Variants in DNM2 observed in about 807,000 individuals in gnomAD.
The protein encoded by DNM2 is dynamin-2.
Under a neutral mutation model 99.0 loss-of-function variants are expected in DNM2, and 15 were observed. The observed-to-expected ratio is 0.15, with a 90% confidence interval of 0.10 to 0.23. The LOEUF (loss-of-function observed/expected upper bound fraction) is 0.23. Among genes scored for constraint, DNM2 ranks in the 10% least tolerant of loss-of-function variants. The pLI is 1.00. For synonymous variants in DNM2, 525 were observed against 481.2 expected, an observed-to-expected ratio of 1.09 and a Z score of -1.19; for missense variants, 742 against 1,189.4, an observed-to-expected ratio of 0.62 and a Z score of 5.53.
At chr19:10,766,572 C>A (rs1179709110) in intron 2 of DNM2, among the ~76,000 whole-genome samples, 3 of 151,906 alleles carry the variant, frequency 2.0e-5, no homozygotes, top group Admixed American at 6.6e-5. Context: ...AGCACAGATT[C>A]TTTTTTCATG....
rs146506201 is a variant in DNM2, at chr19:10,802,302, C to T, written c.1437C>T (p.Ile479=). Residue 479 remains isoleucine (I), a synonymous_variant, in exon 12 of 21, where the codon ATC becomes ATT. Transcript: ENST00000389253. The part of the protein sequence containing the change: ...GRTKDQILLL[I]DIEQSYINTN... ...CTCTCCCCCAGATTCTTCTGCTGAT[C>T]GACATTGAGCAGTCCTACATCAACA... The T allele has an allele frequency of 2.6e-5, 42 of 1,613,968 alleles. No homozygotes were observed. Among genetic ancestry groups the T allele is most frequent in the Non-Finnish European group, 3.2e-5 (38 of 1,180,036 alleles).
intron 12 of DNM2, among the ~76,000 whole-genome samples, chr19:10,805,711 G>C (rs758382979): frequency 6.6e-6 from 1 of 152,156 alleles, no homozygotes; most frequent in Non-Finnish European, 1.5e-5. Flanking sequence ...GGGCCTAGAA[G>C]CCTCAATTGA....
chr19:10,748,325 G>A (rs2070066843), intron 1 of DNM2, among the ~76,000 whole-genome samples: 1 of 152,150 alleles, frequency 6.6e-6, no homozygotes, highest in Admixed American at 6.6e-5. Context: ...CAGGCCTGAT[G>A]TGGAGGTGAA....
In DNM2 at chr19:10,797,434, T is replaced by A. The variant is rs1177156641; in HGVS notation, c.1251T>A (p.Ile417=). 3.1e-6 allele frequency: 5 copies of A among 1,613,884 alleles called. No homozygotes were observed. Among genetic ancestry groups the A allele is most frequent in the Non-Finnish European group, 4.2e-6 (5 of 1,180,004 alleles). Residue 417 remains isoleucine (I), a synonymous_variant, in exon 10 of 21, where the codon ATT becomes ATA. Coordinates refer to ENST00000389253, the MANE Select transcript of DNM2 (RefSeq NM_001005361.3). Reference sequence around the variant, plus strand: ...TTGAAGCCATTGTGAAAAAACAGATTGTAAAACTCAAAGAGCCGAGTTTGA... The same window carrying A: ...TTGAAGCCATTGTGAAAAAACAGATAGTAAAACTCAAAGAGCCGAGTTTGA... ...MAFEAIVKKQ[I]VKLKEPSLKC...
chr19:10,774,465 T>C (rs1403533804), intron 3 of DNM2, among the ~76,000 whole-genome samples: 1 of 152,242 alleles, frequency 6.6e-6, no homozygotes, highest in Non-Finnish European at 1.5e-5. Context: ...TCACTCTTAT[T>C]GCCCAGGCTG....
chr19:10,814,400 G>A (rs752007924), intron 15 of DNM2, among the ~76,000 whole-genome samples: 5 of 151,524 alleles, frequency 3.3e-5, no homozygotes, highest in Non-Finnish European at 7.4e-5. Flanking sequence ...GGAAGCAGAG[G>A]TTGCGGTGAG....
At chr19:10,756,300 C>A (rs755036354) in intron 1 of DNM2, among the ~76,000 whole-genome samples, 4 of 152,094 alleles carry the variant, frequency 2.6e-5, no homozygotes, top group Non-Finnish European at 5.9e-5. Context: ...AGCCCCCAAC[C>A]CCTCTCACCC....
intron 1 of DNM2, among the ~76,000 whole-genome samples, chr19:10,727,639 G>A (rs922238313): frequency 6.6e-6 from 1 of 152,060 alleles, no homozygotes; most frequent in African/African-American, 2.4e-5. Flanking sequence ...CAAAGTGCTG[G>A]GATTACAGGC....
rs1204862635 is a variant in DNM2 at position 10,772,807 on chromosome 19, C to T, written c.385+179C>T. The stretch of plus-strand genomic sequence containing the variant: ...CCCACTTGTGCTAGGTATGTAGTAC[C>T]CAGACCTCTGTCTCAGCTTGAAGAA... On this transcript the variant is annotated intron_variant, in intron 3 of 20. Coordinates refer to ENST00000389253, the MANE Select transcript of DNM2 (RefSeq NM_001005361.3). This position sits in a 1 kb window ranked among gnomAD's most constrained non-coding sequence, Gnocchi z 4.9. Among the ~76,000 whole-genome samples, 1 of 152,106 alleles carries T rather than the reference C, an allele frequency of 6.6e-6. No homozygotes were observed.
At chr19:10,742,790 C>G (rs557439471) in intron 1 of DNM2, among the ~76,000 whole-genome samples, 1 of 152,264 alleles carries the variant, frequency 6.6e-6, no homozygotes, top group East Asian at 1.9e-4. Flanking sequence ...ATGACTTAAT[C>G]TCTCTATCCT....
chr19:10,766,796 C>G (rs899615301), intron 2 of DNM2, among the ~76,000 whole-genome samples: 1 of 152,074 alleles, frequency 6.6e-6, no homozygotes, highest in Non-Finnish European at 1.5e-5. Flanking sequence ...GCCTTGGCAG[C>G]GTGATTGCTG....
Position 10,786,797 on chromosome 19 carries a change from C to T in DNM2, c.992+91C>T, listed in dbSNP as rs533734414. ...CCTAGGCTGGGCACCACTCATCACT[C>T]GTCCACTCATTGATTCAGCAGACAC... On this transcript the variant is annotated intron_variant, in intron 7 of 20. Coordinates refer to ENST00000389253, the MANE Select transcript of DNM2 (RefSeq NM_001005361.3). 1.7e-4 allele frequency: 277 copies of T among 1,582,896 alleles called. No homozygotes were observed. The South Asian group carries it at 2.8e-3, about 16-fold the overall frequency.
chr19:10,792,066 C>T (rs1323687191), intron 7 of DNM2, among the ~76,000 whole-genome samples: 3 of 152,056 alleles, frequency 2.0e-5, no homozygotes, highest in Non-Finnish European at 2.9e-5. Flanking sequence ...CCAGCTTGGG[C>T]GACAGAGTGA....
At chr19:10,780,508 G>A (rs2071332526) in intron 5 of DNM2, among the ~76,000 whole-genome samples, 1 of 152,096 alleles carries the variant, frequency 6.6e-6, no homozygotes, top group African/African-American at 2.4e-5. Flanking sequence ...CTGTTTCTAA[G>A]AACGAAGGCG....
chr19:10,761,388 C>A (rs1386045636), intron 2 of DNM2, among the ~76,000 whole-genome samples: 1 of 152,044 alleles, frequency 6.6e-6, no homozygotes, highest in Non-Finnish European at 1.5e-5. Context: ...CTTCCCTGAT[C>A]TCAGTGTATT....
chr19:10,778,017 C>A (rs991393940), intron 5 of DNM2, among the ~76,000 whole-genome samples: 6 of 108,804 alleles, frequency 5.5e-5, no homozygotes, highest in Non-Finnish European at 1.1e-4. Context: ...TTTATTTTTT[C>A]ATTTTATTTA....
Position 10,820,202 on chromosome 19 carries a change from G to C in DNM2, c.1781+113G>C. 9.7e-7 allele frequency: 1 copy of C among 1,026,110 alleles called. No homozygotes were observed. Among genetic ancestry groups the C allele is most frequent in the Non-Finnish European group, 1.5e-6 (1 of 663,646 alleles). 63.6% of individuals were successfully genotyped at this position (1,026,110 alleles called of 1,614,324 possible). A position where few individuals can be genotyped will look rare whatever the true frequency, so the allele number is the denominator to read the frequency against. On this transcript the variant is annotated intron_variant, in intron 16 of 20. Coordinates refer to ENST00000389253, the MANE Select transcript of DNM2 (RefSeq NM_001005361.3). The surrounding 1 kb of genome is among the most constrained non-coding windows in gnomAD (Gnocchi z 4.3). ...CTGGCTGTCAGCAGTCCCTGCCCTT[G>C]GGACCCAGCTTTTAGAAAGGGGAGT...
At chr19:10,801,768 G>A (rs1463538680) in intron 11 of DNM2, among the ~76,000 whole-genome samples, 1 of 151,218 alleles carries the variant, frequency 6.6e-6, no homozygotes, top group Non-Finnish European at 1.5e-5. Flanking sequence ...AGCTGGGCGT[G>A]GTGGCAGGCA....
chr19:10,744,129 G>A (rs2069872732), intron 1 of DNM2, among the ~76,000 whole-genome samples: 1 of 152,010 alleles, frequency 6.6e-6, no homozygotes, highest in Non-Finnish European at 1.5e-5. Flanking sequence ...CTACACTTCG[G>A]CTGGGGTGAC....
Sources: allele counts gnomAD v4.1 joint callset (sites outside exome capture counted in the v4.1 genomes callset), GRCh38; gene constraint gnomAD v4.1.1; non-coding constraint Gnocchi (gnomAD v3.1); transcripts MANE v1.5; gene names NCBI Gene and HGNC (gene_info 2026-07-23, HGNC 2026-07-21).